CALD1: variants seen among roughly 807,000 people sequenced by gnomAD.
The protein encoded by CALD1 is caldesmon 1, also known as caldesmon.
In CALD1, 33 loss-of-function variants were observed where a neutral mutation model predicts 99.9. The ratio of observed to expected loss-of-function variants is 0.33; its 90% CI spans 0.25 to 0.44. The LOEUF is 0.44. Among genes scored for constraint, CALD1 ranks in the 20% least tolerant of loss-of-function variants. The pLI, the probability that CALD1 is intolerant of heterozygous loss-of-function variation, is 1.00. For synonymous variants in CALD1, 310 were observed against 325.0 expected, an observed-to-expected ratio of 0.95 and a Z score of 0.50; for missense variants, 861 against 962.1, an observed-to-expected ratio of 0.89 and a Z score of 1.39.
chr7:134,929,704 G>A lies in CALD1; in HGVS notation c.218+804G>A, dbSNP rs147134305. On this transcript the variant is annotated intron_variant, in intron 4 of 14. Coordinates refer to ENST00000361675, the MANE Select transcript of CALD1 (RefSeq NM_033138.4). The stretch of plus-strand genomic sequence containing the variant: ...TTTCTTTACCCACTGCTTGGTTGAT[G>A]GGCATTTAAGCTGCTTCCATATTTT... Among the ~76,000 whole-genome samples the A allele has an allele frequency of 4.6e-3, 394 of 86,276 alleles. 4 individuals carry two copies. Among genetic ancestry groups the A allele is most frequent in the African/African-American group, 0.015 (371 of 24,564 alleles). 56.6% of individuals were successfully genotyped at this position (86,276 alleles called of 152,430 possible). A position where few individuals can be genotyped will look rare whatever the true frequency, so the allele number is the denominator to read the frequency against.
At chr7:134,900,627 T>C (rs1201422305) in intron 3 of CALD1, among the ~76,000 whole-genome samples, 1 of 152,110 alleles carries the variant, frequency 6.6e-6, no homozygotes, top group Admixed American at 6.5e-5. Flanking sequence ...CACATCTGTA[T>C]TTAGATCCCA....
chr7:134,947,429 C>T (rs1806972536), intron 7 of CALD1, 79 bp from the exon 8 acceptor site: 2 of 1,419,540 alleles, frequency 1.4e-6, no homozygotes, highest in Non-Finnish European at 1.9e-6. Context: ...ATGCAGAAGC[C>T]GCAGACCGAC....
At chr7:134,725,392 T>A in the CALD1 span, among the ~76,000 whole-genome samples, 1 of 151,398 alleles carries the variant, frequency 6.6e-6, no homozygotes, top group African/African-American at 2.5e-5. Flanking sequence ...AGTGTCACTT[T>A]GTCTGTTTTA....
At chr7:134,960,660 T>G in intron 13 of CALD1, 32 bp downstream of exon 13, 2 of 1,346,642 alleles carry the variant, frequency 1.5e-6, no homozygotes, top group Non-Finnish European at 2.1e-6. Context: ...TGAGTTTCTT[T>G]GATCTCCCAG....
In CALD1 at chr7:134,928,881, G is replaced by C. The variant is rs71532824; in HGVS notation, c.199G>C (p.Glu67Gln). 6.2e-7 allele frequency: 1 copy of C among 1,613,606 alleles called. No homozygotes were observed. The highest frequency in any genetic ancestry group is 1.1e-5 in the South Asian group (1 of 90,890). ...CTTGGGACAGGTGACCGACCAGGTG[G>C]AGGTGAATGCCCAGAACAGGTACTG... ...ESLGQVTDQV[E>Q]VNAQNSVPDE... The change falls in exon 4 of 15, where the codon GAG (glutamate) becomes CAG (glutamine). Residue 67 changes from glutamate to glutamine, a missense_variant. Glu to Gln is a conservative substitution (Grantham distance 29). Around this residue, in one of 5 missense-constraint regions of CALD1, gnomAD observed 123 missense variants for 169.8 expected, o/e 0.72. Transcript: ENST00000361675.
At chr7:134,813,832 G>T (rs139141620) in intron 1 of CALD1, among the ~76,000 whole-genome samples, 52 of 152,258 alleles carry the variant, frequency 3.4e-4, no homozygotes, top group Admixed American at 6.5e-4. Flanking sequence ...TTAGCTTCCT[G>T]TCTGCTTGCT....
At chr7:134,770,953 G>A (rs1415451855) in intron 1 of CALD1, among the ~76,000 whole-genome samples, 4 of 152,210 alleles carry the variant, frequency 2.6e-5, no homozygotes, top group Admixed American at 6.5e-5. Context: ...GAAGTGAATC[G>A]GGTAACAATA....
chr7:134,806,268 T>C (rs1449923331), intron 1 of CALD1, among the ~76,000 whole-genome samples: 5 of 152,230 alleles, frequency 3.3e-5, no homozygotes, highest in Admixed American at 1.3e-4. Context: ...TAGTTCATAT[T>C]TGCTTCCCAT....
intron 1 of CALD1, among the ~76,000 whole-genome samples, chr7:134,784,544 A>G (rs1289212819): frequency 1.3e-5 from 2 of 152,262 alleles, no homozygotes; most frequent in East Asian, 3.8e-4. Context: ...AGCAAAAATC[A>G]GAAGTCAGGC....
intron 2 of CALD1, among the ~76,000 whole-genome samples, chr7:134,859,747 C>T (rs1243311518): frequency 6.6e-6 from 1 of 152,072 alleles, no homozygotes; most frequent in African/African-American, 2.4e-5. Context: ...TAAAGTGCTC[C>T]AAATTAAGGT....
At chr7:134,829,355 A>G (rs1285886246) in intron 1 of CALD1, among the ~76,000 whole-genome samples, 3 of 152,246 alleles carry the variant, frequency 2.0e-5, no homozygotes, top group Non-Finnish European at 4.4e-5. Context: ...GATACGTGAA[A>G]ACGTTATCAT....
chr7:134,765,315 G>GA (rs201728154), intron 1 of CALD1, among the ~76,000 whole-genome samples: 7,753 of 131,712 alleles, frequency 0.059, 635 homozygotes, highest in African/African-American at 0.2. Flanking sequence ...CTCCGTCTCG[G>GA]AAAAAAAAAA....
chr7:134,869,787 A>C (rs561454386), intron 3 of CALD1, among the ~76,000 whole-genome samples: 3 of 152,350 alleles, frequency 2.0e-5, no homozygotes, highest in African/African-American at 7.2e-5. Context: ...GGGCAGACAC[A>C]GTATGGTGGT....
chr7:134,932,271 A>G (rs992100002), intron 4 of CALD1, among the ~76,000 whole-genome samples: 3 of 152,176 alleles, frequency 2.0e-5, no homozygotes, highest in Non-Finnish European at 2.9e-5. Flanking sequence ...TGTCTCTTCC[A>G]TTGGGGTCAC....
At chr7:134,886,626 C>T (rs974201420) in intron 3 of CALD1, among the ~76,000 whole-genome samples, 5 of 152,178 alleles carry the variant, frequency 3.3e-5, no homozygotes, top group Admixed American at 2.0e-4. Context: ...TAGGCATTGG[C>T]GTCTAGCCTA....
chr7:134,837,688 C>T (rs1799500401), intron 1 of CALD1, among the ~76,000 whole-genome samples: 1 of 152,148 alleles, frequency 6.6e-6, no homozygotes, highest in Non-Finnish European at 1.5e-5. Context: ...TGCCAGAGAA[C>T]ATGCTAAATG....
intron 11 of CALD1, among the ~76,000 whole-genome samples, chr7:134,958,889 A>ATATATATATATATATATATATTTAAC (rs1808016652): frequency 7.1e-6 from 1 of 140,108 alleles, no homozygotes; most frequent in Admixed American, 7.1e-5. Context: ...ATATATATAT[A>ATATATATATATATATATATATTTAAC]TATATATATA....
chr7:134,863,992 A>C (rs1800680194), intron 2 of CALD1, among the ~76,000 whole-genome samples: 1 of 152,192 alleles, frequency 6.6e-6, no homozygotes, highest in Non-Finnish European at 1.5e-5. Context: ...TGGTGGTAAG[A>C]TGCAGGACAC....
intron 1 of CALD1, among the ~76,000 whole-genome samples, chr7:134,832,695 G>A (rs550780614): frequency 6.6e-5 from 10 of 152,238 alleles, no homozygotes; most frequent in South Asian, 4.2e-4. Context: ...GACAGACAGC[G>A]GGAGAAATAC....
Sources: gnomAD v4.1 joint callset for allele counts (sites outside exome capture counted in the v4.1 genomes callset) on GRCh38, gnomAD v4.1.1 for gene constraint, gnomAD v4.1.1 regional missense constraint, MANE v1.5 for transcripts, NCBI Gene and HGNC (gene_info 2026-07-23, HGNC 2026-07-21) for gene names.